EFEMP1: variants seen among roughly 807,000 people sequenced by gnomAD.
The protein encoded by EFEMP1 is EGF-like fibulin extracellular matrix protein 1.
Under a neutral mutation model 65.7 loss-of-function variants are expected in EFEMP1, and 18 were observed. The ratio of observed to expected loss-of-function variants is 0.27; its 90% CI spans 0.19 to 0.41. The LOEUF is 0.41. EFEMP1 is among the 10% of genes least tolerant of loss of function. The pLI, the probability that EFEMP1 is intolerant of heterozygous loss-of-function variation, is 1.00. For synonymous variants in EFEMP1, 237 were observed against 219.7 expected (o/e 1.08, Z -0.70); for missense variants, 469 against 624.8 (o/e 0.75, Z 2.66).
In EFEMP1 at chr2:55,883,466, G is replaced by T. The variant is rs1451937576; in HGVS notation, c.518-1732C>A. 1.3e-5 allele frequency among the ~76,000 whole-genome samples: 2 copies of T among 152,162 alleles called. No homozygotes were observed. The highest frequency in any genetic ancestry group is 4.8e-5 in the African/African-American group (2 of 41,432). ...ATGACTCGTTAATGCAGAAATGACAGCAGAGTATCTATTGTTTTATGTCAA... is the reference window on the plus strand; with the variant it reads ...ATGACTCGTTAATGCAGAAATGACATCAGAGTATCTATTGTTTTATGTCAA... On this transcript the variant is annotated intron_variant, in intron 5 of 11. Transcript: ENST00000355426. This position sits in a 1 kb window ranked among gnomAD's most constrained non-coding sequence, Gnocchi z 4.5.
chr2:55,878,594 G>T (rs143241157), intron 6 of EFEMP1, among the ~76,000 whole-genome samples: 67 of 152,276 alleles, frequency 4.4e-4, no homozygotes, highest in African/African-American at 1.5e-3. Flanking sequence ...AACATGGCAT[G>T]TGTAATTTAA....
At chr2:55,894,390 G>A (rs919715423) in intron 5 of EFEMP1, among the ~76,000 whole-genome samples, 2 of 151,986 alleles carry the variant, frequency 1.3e-5, no homozygotes, top group Non-Finnish European at 2.9e-5. Flanking sequence ...AAATGTCATA[G>A]AGTTAAATGC....
rs937068128 is a variant in EFEMP1 at position 55,887,382 on chromosome 2, G to A, written c.518-5648C>T. Among the ~76,000 whole-genome samples, 6 of 152,208 alleles carry A rather than the reference G, an allele frequency of 3.9e-5. No homozygotes were observed. The South Asian group carries it at 8.3e-4, about 21-fold the overall frequency. ...CACAGCACCTTGATTCCTCCCTTGCGTCTTTCTTCTACTTAGAATAACATT... is the reference window on the plus strand; with the variant it reads ...CACAGCACCTTGATTCCTCCCTTGCATCTTTCTTCTACTTAGAATAACATT... On this transcript the variant is annotated intron_variant, in intron 5 of 11. Coordinates refer to ENST00000355426, the MANE Select transcript of EFEMP1 (RefSeq NM_001039348.3).
At chr2:55,918,694 T>G (rs1444989146) in intron 3 of EFEMP1, among the ~76,000 whole-genome samples, 5 of 121,006 alleles carry the variant, frequency 4.1e-5, no homozygotes, top group Non-Finnish European at 8.1e-5. Flanking sequence ...GACTCTTCTC[T>G]CTCTCTCTAA....
intron 5 of EFEMP1, among the ~76,000 whole-genome samples, chr2:55,914,857 C>CTTA (rs1316812776): frequency 6.6e-6 from 1 of 152,108 alleles, no homozygotes; most frequent in Non-Finnish European, 1.5e-5. Flanking sequence ...AATATAGGTC[C>CTTA]TTAGAGCACA....
chr2:55,888,190 A>T (rs375661021), intron 5 of EFEMP1, among the ~76,000 whole-genome samples: 2 of 152,242 alleles, frequency 1.3e-5, no homozygotes, highest in African/African-American at 4.8e-5. Context: ...GTTTTTGCCC[A>T]CTGGCAACAT....
chr2:55,903,415 A>G (rs749677519), intron 5 of EFEMP1, among the ~76,000 whole-genome samples: 2 of 152,212 alleles, frequency 1.3e-5, no homozygotes, highest in African/African-American at 2.4e-5. Flanking sequence ...TCCATTAGAC[A>G]TATCAGTTTC....
chr2:55,888,248 A>G (rs2104402949), intron 5 of EFEMP1, among the ~76,000 whole-genome samples: 1 of 152,296 alleles, frequency 6.6e-6, no homozygotes, highest in East Asian at 1.9e-4. Context: ...GTCTACTGTT[A>G]AATGATTGTT....
chr2:55,878,572 T>C (rs1558463653), intron 6 of EFEMP1, among the ~76,000 whole-genome samples: 1 of 152,212 alleles, frequency 6.6e-6, no homozygotes, highest in Non-Finnish European at 1.5e-5. Flanking sequence ...TTCTACACTT[T>C]GTGACAACTT....
At chr2:55,895,630 C>CT (rs1321349487) in intron 5 of EFEMP1, among the ~76,000 whole-genome samples, 1 of 151,848 alleles carries the variant, frequency 6.6e-6, no homozygotes. Context: ...CAGGCTCCGC[C>CT]CCCGGGGTTC....
In EFEMP1 at chr2:55,870,878, C is replaced by G; in HGVS notation, c.1162G>C (p.Glu388Gln). 1 of 1,613,700 alleles carries G rather than the reference C, an allele frequency of 6.2e-7. No individual in the cohort carries two copies. The highest frequency in any genetic ancestry group is 8.5e-7 in the Non-Finnish European group (1 of 1,179,804). ...VCPVSNAMCR[E>Q]LPQSIVYKYM... ...TTGTAGACTATTGACTGGGGCAGTT[C>G]TCGGCACATGGCATTTGAGACTGGG... The change falls in exon 11 of 12, where the codon GAA (glutamate) becomes CAA (glutamine). Residue 388 changes from glutamate to glutamine, a missense_variant. By Grantham distance (29) the Glu-to-Gln change is conservative. This residue lies in a region of EFEMP1 where 399 missense variants were observed against 528.2 expected (regional missense o/e 0.76). Transcript: ENST00000355426. This position sits in a 1 kb window ranked among gnomAD's most constrained non-coding sequence, Gnocchi z 5.8.
At chr2:55,913,807 C>T (rs773669367) in intron 5 of EFEMP1, among the ~76,000 whole-genome samples, 16 of 151,912 alleles carry the variant, frequency 1.1e-4, no homozygotes, top group East Asian at 1.9e-4. Context: ...GTCAGGAGCT[C>T]GAGACCAGCC....
At chr2:55,905,043 T>A (rs1295562059) in intron 5 of EFEMP1, among the ~76,000 whole-genome samples, 3 of 136,794 alleles carry the variant, frequency 2.2e-5, no homozygotes, top group Non-Finnish European at 4.5e-5. Context: ...TATTACCTAT[T>A]AGAATAATTA....
At chr2:55,909,309 G>A (rs964622632) in intron 5 of EFEMP1, among the ~76,000 whole-genome samples, 19 of 152,152 alleles carry the variant, frequency 1.2e-4, no homozygotes, top group African/African-American at 4.6e-4. Context: ...TTTAGACAGA[G>A]CTAAATGAAT....
At chr2:55,882,857 C>G (rs1669294224) in intron 5 of EFEMP1, among the ~76,000 whole-genome samples, 1 of 151,994 alleles carries the variant, frequency 6.6e-6, no homozygotes, top group Middle Eastern at 3.2e-3. Context: ...CTGTGGCAGA[C>G]TCATGGTAGT....
chr2:55,904,052 G>A (rs564982451), intron 5 of EFEMP1, among the ~76,000 whole-genome samples: 1 of 152,158 alleles, frequency 6.6e-6, no homozygotes, highest in Non-Finnish European at 1.5e-5. Flanking sequence ...TGTTTGCTCC[G>A]TTTTTGCTTT....
intron 5 of EFEMP1, among the ~76,000 whole-genome samples, chr2:55,907,884 C>G (rs1670340190): frequency 6.6e-6 from 1 of 152,220 alleles, no homozygotes; most frequent in Non-Finnish European, 1.5e-5. Flanking sequence ...AGTTCCAGCT[C>G]CTGTCATGAT....
At chr2:55,876,842 T>TACCTA (rs1669057095) in intron 7 of EFEMP1, 100 bp from the exon 8 acceptor site, 1 of 657,124 alleles carries the variant, frequency 1.5e-6, no homozygotes, top group Admixed American at 3.9e-5. Context: ...TGTACCTACG[T>TACCTA]CATCTGCTGA....
chr2:55,870,658 A>C lies in EFEMP1; in HGVS notation c.1320+62T>G. The C allele has an allele frequency of 6.3e-7, 1 of 1,598,382 alleles. No homozygotes were observed. Among genetic ancestry groups the C allele is most frequent in the Non-Finnish European group, 8.6e-7 (1 of 1,168,312 alleles). On this transcript the variant is annotated intron_variant, in intron 11 of 11. Transcript: ENST00000355426. The surrounding 1 kb of genome is among the most constrained non-coding windows in gnomAD (Gnocchi z 5.8). ...GTGGATACCACACAACAACAACAAC[A>C]ACAACAACAACAACAAACTCCCATC...
Sources: allele counts gnomAD v4.1 joint callset (sites outside exome capture counted in the v4.1 genomes callset), GRCh38; gene constraint gnomAD v4.1.1; regional missense constraint gnomAD v4.1.1; non-coding constraint Gnocchi (gnomAD v3.1); transcripts MANE v1.5; gene names NCBI Gene and HGNC (gene_info 2026-07-23, HGNC 2026-07-21).